Variants in TMEM80 observed in about 807,000 individuals in gnomAD.
TMEM80 encodes the protein transmembrane protein 80.
A neutral mutation model predicts 13.6 loss-of-function variants in TMEM80; 16 were observed. The ratio of observed to expected loss-of-function variants is 1.17; its 90% CI spans 0.79 to 1.78. The LOEUF is 1.78. Among genes scored for constraint, TMEM80 ranks in the 40% most tolerant of loss-of-function variants. The probability of loss-of-function intolerance (pLI) is 0.00; values close to 1 mark genes in which losing one functional copy is unlikely to be tolerated. For synonymous variants in TMEM80, 92 were observed against 89.5 expected (o/e 1.03, Z -0.16); for missense variants, 167 against 184.6 (o/e 0.90, Z 0.55).
At chr11:702,392 C>T (rs1861538239) in intron 4 of TMEM80, among the ~76,000 whole-genome samples, 1 of 152,228 alleles carries the variant, frequency 6.6e-6, no homozygotes, top group African/African-American at 2.4e-5. Context: ...AGGGTGTGGC[C>T]TGGCCCTGCT....
upstream of TMEM80, chr11:695,809 G>A: frequency 1.6e-6 from 2 of 1,232,454 alleles, no homozygotes; most frequent in South Asian, 3.9e-5. Context: ...GCGACGGACC[G>A]GCGGGCGGGG....
At chr11:697,387 T>C (rs1861247227) in intron 1 of TMEM80, 1 of 152,244 alleles carries the variant, frequency 6.6e-6, no homozygotes, top group African/African-American at 2.4e-5. Context: ...ACATTGTGAT[T>C]ATAGTAAGTC....
downstream of TMEM80, chr11:704,493 G>A (rs539221133): frequency 3.6e-5 from 47 of 1,289,282 alleles, 1 homozygote; most frequent in South Asian, 3.5e-4. Context: ...ACACACCAGC[G>A]CCTGAGCGCC....
intron 1 of TMEM80, among the ~76,000 whole-genome samples, 158 bp downstream of exon 1, chr11:696,004 C>T (rs1042794049): frequency 6.6e-6 from 1 of 152,090 alleles, no homozygotes; most frequent in Non-Finnish European, 1.5e-5. Flanking sequence ...GAAGCGCGGC[C>T]TGGCCTGGCC....
chr11:695,947 C>A (rs1861125821), intron 1 of TMEM80, 101 bp downstream of exon 1: 4 of 930,232 alleles, frequency 4.3e-6, no homozygotes, highest in Non-Finnish European at 5.6e-6. Flanking sequence ...CTCACGGGGC[C>A]GTGCCACCGT....
Position 703,129 on chromosome 11 carries a change from C to G in TMEM80, c.411C>G (p.Ala137=). The change falls in exon 5 of 5, where the codon GCC becomes GCG. Residue 137 remains alanine, a synonymous_variant. Transcript: ENST00000397510. The stretch of plus-strand genomic sequence containing the variant: ...TGGAGGCCGTCCTGCAGGTGGTTGC[C>G]ATCGCGGCCTTCACCAGGTAGCTAC... ...HGLEAVLQVV[A]IAAFTR is the part of the protein sequence containing the mutation. 1 of 1,608,780 alleles carries G rather than the reference C, an allele frequency of 6.2e-7. No homozygotes were observed. Among genetic ancestry groups the G allele is most frequent in the African/African-American group, 1.3e-5 (1 of 75,010 alleles).
rs770690053 is a variant in TMEM80 at position 703,062 on chromosome 11, C to T, written c.344C>T (p.Ala115Val). 9 of 1,612,624 alleles carry T rather than the reference C, an allele frequency of 5.6e-6. No homozygotes were observed. The highest frequency in any genetic ancestry group is 1.6e-4 in the Middle Eastern group (1 of 6,076). ...FLLWQALVLW[A>V]DWALSATLLA... is the part of the protein sequence containing the mutation. The stretch of plus-strand genomic sequence containing the variant: ...CTTTGGCAGGCCCTAGTGTTGTGGG[C>T]GGACTGGGCCCTCAGCGCCACGCTC... Residue 115 changes from alanine (A) to valine (V), a missense_variant, in exon 5 of 5, where the codon GCG becomes GTG. Ala to Val is a moderately conservative substitution (Grantham distance 64). Coordinates refer to ENST00000397510, the MANE Select transcript of TMEM80 (RefSeq NM_001042463.3).
intron 1 of TMEM80, among the ~76,000 whole-genome samples, chr11:698,428 T>G (rs930421279): frequency 1.6e-4 from 25 of 152,228 alleles, no homozygotes; most frequent in African/African-American, 6.0e-4. Flanking sequence ...AAAGCAAATG[T>G]CTCATCAATC....
At chr11:697,775 G>A (rs572456421) in intron 1 of TMEM80, 2 of 152,404 alleles carry the variant, frequency 1.3e-5, no homozygotes, top group East Asian at 1.9e-4. Context: ...GCGATGCGGC[G>A]TGGTCTGCCG....
Position 702,230 on chromosome 11 carries a change from G to A in TMEM80, c.227-715G>A, listed in dbSNP as rs143296804. Among the ~76,000 whole-genome samples, 269 of 152,356 alleles carry A rather than the reference G, an allele frequency of 1.8e-3. 1 individual carries two copies. Among genetic ancestry groups the A allele is most frequent in the Admixed American group, 2.7e-3 (41 of 15,314 alleles). On this transcript the variant is annotated intron_variant, in intron 4 of 4. Coordinates refer to ENST00000397510, the MANE Select transcript of TMEM80 (RefSeq NM_001042463.3). ...CCATCCCACTGAGGGGTGCCCGGCCGTCAGTGTCTTGTCTGCACTTACGTC... is the reference window on the plus strand; with the variant it reads ...CCATCCCACTGAGGGGTGCCCGGCCATCAGTGTCTTGTCTGCACTTACGTC...
chr11:700,384 G>A (rs992891146), intron 3 of TMEM80, 149 bp downstream of exon 3: 39 of 797,056 alleles, frequency 4.9e-5, no homozygotes, highest in East Asian at 3.8e-4. Context: ...AAAAGTAGCC[G>A]GGCGTGGTGG....
intron 4 of TMEM80, among the ~76,000 whole-genome samples, chr11:702,441 C>T (rs1410583519): frequency 3.3e-5 from 5 of 152,252 alleles, no homozygotes; most frequent in East Asian, 3.8e-4. Flanking sequence ...CCAAGCGCGC[C>T]GCACACTGCA....
Position 699,869 on chromosome 11 carries a change from G to A in TMEM80, c.40-273G>A, listed in dbSNP as rs544623864. On this transcript the variant is annotated intron_variant, in intron 2 of 4. Coordinates refer to ENST00000397510, the MANE Select transcript of TMEM80 (RefSeq NM_001042463.3). ...TGGAGGCTGTCCCCTGACCAGTCCT[G>A]TCCACAGTCAGGAGGGCAGGGGCTG... The A allele has an allele frequency of 4.3e-5, 19 of 440,666 alleles. No individual in the cohort carries two copies. In the South Asian group the frequency reaches 5.8e-4, roughly 13 times the overall value. The allele number at this position is 440,666 out of a possible 1,614,324, so 27.3% of individuals were successfully genotyped here.
chr11:704,401 T>G (rs1390760037), downstream of TMEM80: 1 of 1,239,384 alleles, frequency 8.1e-7, no homozygotes, highest in Admixed American at 2.3e-5. Context: ...AGCACCCAGT[T>G]GTCCTGGGCC....
At chr11:695,870 T>C in intron 1 of TMEM80, 24 bp downstream of exon 1, 1 of 1,225,500 alleles carries the variant, frequency 8.2e-7, no homozygotes, top group Non-Finnish European at 1.0e-6. Context: ...GGGTGGGGGC[T>C]TCCGGGCTTG....
In TMEM80 at chr11:703,865, G is replaced by C; in HGVS notation, c.*715G>C. ...ACTGCAGGAGAGAGAGCAGCGGAGG[G>C]CCACATTCGGAGCCTCCGTCCACTC... On this transcript the variant is annotated 3_prime_UTR_variant, in exon 5 of 5. Transcript: ENST00000397510. 8.1e-7 allele frequency: 1 copy of C among 1,236,706 alleles called. No homozygotes were observed. Among genetic ancestry groups the C allele is most frequent in the Admixed American group, 4.0e-5 (1 of 24,758 alleles). The allele number at this position is 1,236,706 out of a possible 1,614,324, so 76.6% of individuals were successfully genotyped here. A position where few individuals can be genotyped will look rare whatever the true frequency, so the allele number is the denominator to read the frequency against.
chr11:703,053 T>C lies in TMEM80; in HGVS notation c.335T>C (p.Val112Ala), dbSNP rs1172699100. ...CACTTCCTGCTTTGGCAGGCCCTAG[T>C]GTTGTGGGCGGACTGGGCCCTCAGC... ...SAHFLLWQALVLWADWALSAT... is the reference protein window; with the variant it reads ...SAHFLLWQALALWADWALSAT... The change falls in exon 5 of 5, where the codon GTG becomes GCG. Residue 112 changes from valine (V) to alanine (A), a missense_variant. Transcript: ENST00000397510. The C allele has an allele frequency of 6.2e-7, 1 of 1,612,798 alleles. No homozygotes were observed. The highest frequency in any genetic ancestry group is 1.1e-5 in the South Asian group (1 of 91,054).
chr11:697,176 C>T (rs933710763), intron 1 of TMEM80, among the ~76,000 whole-genome samples: 1 of 151,672 alleles, frequency 6.6e-6, no homozygotes. Flanking sequence ...ATCACTGGAG[C>T]CCAGGAGGTT....
chr11:704,576 A>G (rs533797204), downstream of TMEM80: 1 of 1,287,324 alleles, frequency 7.8e-7, no homozygotes, highest in East Asian at 5.6e-5. Flanking sequence ...TGGAGGACCC[A>G]GCCCACAAAC....
Sources: allele counts gnomAD v4.1 joint callset (sites outside exome capture counted in the v4.1 genomes callset), GRCh38; gene constraint gnomAD v4.1.1; transcripts MANE v1.5; gene names NCBI Gene and HGNC (gene_info 2026-07-23, HGNC 2026-07-21).